The following CEP192 variants were observed in gnomAD, a reference collection of about 807,000 sequenced individuals.
CEP192 encodes centrosomal protein 192.
A neutral mutation model predicts 271.8 loss-of-function variants in CEP192; 151 were observed. The ratio of observed to expected loss-of-function variants is 0.56; its 90% CI spans 0.49 to 0.64. The LOEUF is 0.64. Among genes scored for constraint, CEP192 ranks in the 30% least tolerant of loss-of-function variants. CEP192 has a pLI of 0.00. For synonymous variants in CEP192, 995 were observed against 1,076.5 expected (o/e 0.92, Z 1.48); for missense variants, 2,910 against 3,020.5 (o/e 0.96, Z 0.86).
At chr18:13,032,341 G>A (rs1303486753) in intron 11 of CEP192, among the ~76,000 whole-genome samples, 1 of 152,168 alleles carries the variant, frequency 6.6e-6, no homozygotes, top group Non-Finnish European at 1.5e-5. Flanking sequence ...CTGAGGCGGG[G>A]AGTCAGAAGA....
At chr18:13,058,779 G>A in intron 20 of CEP192, 1 of 365,244 alleles carries the variant, frequency 2.7e-6, no homozygotes, top group Non-Finnish European at 5.2e-6. Flanking sequence ...GACTTACAGG[G>A]CTGTGAAAGA....
chr18:13,029,531 T>C (rs2035495243), intron 9 of CEP192, 132 bp from the exon 10 acceptor site: 1 of 625,974 alleles, frequency 1.6e-6, no homozygotes, highest in African/African-American at 1.8e-5. Flanking sequence ...CAGCGAATAC[T>C]GTGTGTTCTC....
chr18:13,117,372 G>A lies in CEP192; in HGVS notation c.7417-213G>A, dbSNP rs370084674. 2.9e-4 allele frequency among the ~76,000 whole-genome samples: 44 copies of A among 151,520 alleles called. 2 individuals are homozygous for A. The South Asian group carries it at 8.6e-3, about 30-fold the overall frequency. ...GTACTATTATACACACATATTTCTG[G>A]ACAACCTTTACTTTAGTTAAAACTA... On this transcript the variant is annotated intron_variant, in intron 43 of 44. Coordinates refer to ENST00000506447, the MANE Select transcript of CEP192 (RefSeq NM_032142.4).
intron 1 of CEP192, among the ~76,000 whole-genome samples, chr18:12,996,792 C>G (rs980330930): frequency 1.3e-5 from 2 of 152,086 alleles, no homozygotes; most frequent in Non-Finnish European, 2.9e-5. Flanking sequence ...GAAGAAGGAC[C>G]GGAGGTAGAT....
At chr18:13,050,061 C>T (rs911351505) in intron 17 of CEP192, among the ~76,000 whole-genome samples, 170 bp downstream of exon 17, 8 of 148,126 alleles carry the variant, frequency 5.4e-5, no homozygotes, top group African/African-American at 2.0e-4. Context: ...TTGTATATTG[C>T]TTTTTTTTTT....
intron 15 of CEP192, among the ~76,000 whole-genome samples, 177 bp downstream of exon 15, chr18:13,042,511 A>T (rs1418671664): frequency 6.6e-6 from 1 of 152,198 alleles, no homozygotes. Flanking sequence ...GCGATATAAT[A>T]TACACACAGA....
At chr18:13,119,963 C>A (rs1167706938) in intron 44 of CEP192, among the ~76,000 whole-genome samples, 4 of 152,182 alleles carry the variant, frequency 2.6e-5, no homozygotes. Flanking sequence ...ATGAGGCAGT[C>A]AAAACTTTCC....
At chr18:13,022,620 A>G (rs1417392500) in intron 9 of CEP192, among the ~76,000 whole-genome samples, 1 of 152,050 alleles carries the variant, frequency 6.6e-6, no homozygotes, top group Non-Finnish European at 1.5e-5. Context: ...ATTTCAAACG[A>G]TCCACCCGCC....
intron 21 of CEP192, among the ~76,000 whole-genome samples, chr18:13,062,875 C>T (rs1013605169): frequency 6.6e-6 from 1 of 152,200 alleles, no homozygotes; most frequent in Non-Finnish European, 1.5e-5. Flanking sequence ...ACCTCACCCC[C>T]AACCCCTACC....
chr18:13,017,579 A>C (rs2034729713), intron 7 of CEP192, among the ~76,000 whole-genome samples: 1 of 152,182 alleles, frequency 6.6e-6, no homozygotes, highest in Non-Finnish European at 1.5e-5. Flanking sequence ...CCAGTTAACC[A>C]ATTGCTAAAG....
At chr18:12,994,551 A>G (rs1414985006) in intron 1 of CEP192, among the ~76,000 whole-genome samples, 1 of 152,128 alleles carries the variant, frequency 6.6e-6, no homozygotes, top group Non-Finnish European at 1.5e-5. Context: ...AAGAATAAAA[A>G]CATGGAAAAG....
chr18:13,017,270 T>C lies in CEP192; in HGVS notation c.723T>C (p.Tyr241=). The C allele has an allele frequency of 6.4e-7, 1 of 1,550,470 alleles. No individual in the cohort carries two copies. Among genetic ancestry groups the C allele is most frequent in the Non-Finnish European group, 8.7e-7 (1 of 1,146,240 alleles). ...FEQLAIPGMI[Y]EDLEGPEPPE... ...AACTGGCAATTCCAGGAATGATATA[T>C]GAAGACCTAGAAGGACCAGAACCTC... The change falls in exon 7 of 45, where the codon TAT becomes TAC. Residue 241 remains tyrosine (Y), a synonymous_variant. Coordinates refer to ENST00000506447, the MANE Select transcript of CEP192 (RefSeq NM_032142.4).
At position 12,994,407 on chromosome 18, in the gene CEP192, T is replaced by C. The variant is rs1464355687; in HGVS notation, c.-5+2970T>C. Among the ~76,000 whole-genome samples, 139 of 152,040 alleles carry C rather than the reference T, an allele frequency of 9.1e-4. 1 individual carries two copies. The highest frequency in any genetic ancestry group is 9.0e-3 in the Admixed American group (137 of 15,270). ...GGGGGTATTACAAGAATAGAAAATC[T>C]AGTATGTGGTGAATGAGCCTGAGAG... On this transcript the variant is annotated intron_variant, in intron 1 of 44. Transcript: ENST00000506447.
intron 44 of CEP192, 37 bp downstream of exon 44, chr18:13,117,680 A>T: frequency 6.5e-7 from 1 of 1,532,996 alleles, no homozygotes; most frequent in East Asian, 2.3e-5. Flanking sequence ...CTCATCAGCG[A>T]TGCAGGACTT....
At chr18:13,094,459 A>G (rs1423029259) in intron 34 of CEP192, among the ~76,000 whole-genome samples, 1 of 152,016 alleles carries the variant, frequency 6.6e-6, no homozygotes, top group Non-Finnish European at 1.5e-5. Flanking sequence ...TTGATCCTTC[A>G]CTGTCGTTAT....
intron 13 of CEP192, among the ~76,000 whole-genome samples, chr18:13,039,455 CAAA>C (rs61448797): frequency 1.9e-4 from 26 of 134,094 alleles, no homozygotes; most frequent in South Asian, 2.5e-4. Context: ...GACTCCATCT[CAAA>C]AAAAAAAAAA....
At chr18:13,099,026 G>A (rs947698378) in intron 36 of CEP192, among the ~76,000 whole-genome samples, 13 of 152,210 alleles carry the variant, frequency 8.5e-5, no homozygotes, top group South Asian at 2.1e-4. Flanking sequence ...AAAAAAATAC[G>A]AAAACCAGTC....
chr18:13,039,107 G>A (rs2036064221), intron 13 of CEP192, among the ~76,000 whole-genome samples: 1 of 152,192 alleles, frequency 6.6e-6, no homozygotes, highest in African/African-American at 2.4e-5. Flanking sequence ...CTTTAGCTAT[G>A]CTGGTCAGGC....
intron 33 of CEP192, 145 bp downstream of exon 33, chr18:13,089,710 T>C: frequency 1.9e-6 from 1 of 523,522 alleles, no homozygotes; most frequent in Non-Finnish European, 3.4e-6. Context: ...CTGTATGAGT[T>C]TGAACAAATT....
Sources: gnomAD v4.1 joint callset for allele counts (sites outside exome capture counted in the v4.1 genomes callset) on GRCh38, gnomAD v4.1.1 for gene constraint, MANE v1.5 for transcripts, NCBI Gene and HGNC (gene_info 2026-07-23, HGNC 2026-07-21) for gene names.